ZCCHC17: variants seen among roughly 807,000 people sequenced by gnomAD.
ZCCHC17 encodes the protein zinc finger CCHC domain-containing protein 17.
A neutral mutation model predicts 30.6 loss-of-function variants in ZCCHC17; 18 were observed. The ratio of observed to expected loss-of-function variants is 0.59; its 90% CI spans 0.41 to 0.87. ZCCHC17 has a LOEUF of 0.87. Ranked by LOEUF, ZCCHC17 falls within the 40% of genes least tolerant of loss-of-function variation. The pLI, the probability that ZCCHC17 is intolerant of heterozygous loss-of-function variation, is 0.00. For synonymous variants in ZCCHC17, 88 were observed against 92.4 expected, an observed-to-expected ratio of 0.95 and a Z score of 0.27; for missense variants, 263 against 284.2, an observed-to-expected ratio of 0.93 and a Z score of 0.54.
At chr1:31,344,010 A>G (rs1024001697) in intron 5 of ZCCHC17, among the ~76,000 whole-genome samples, 5 of 151,664 alleles carry the variant, frequency 3.3e-5, no homozygotes, top group African/African-American at 1.2e-4. Context: ...ATGTACCACT[A>G]TGCTCGGCTA....
At chr1:31,331,361 G>A (rs1385498872) in intron 3 of ZCCHC17, among the ~76,000 whole-genome samples, 1 of 151,704 alleles carries the variant, frequency 6.6e-6, no homozygotes, top group Non-Finnish European at 1.5e-5. Context: ...GGTCAGGCTG[G>A]TCTAGAACTC....
At chr1:31,328,648 G>A (rs1026915765) in intron 3 of ZCCHC17, among the ~76,000 whole-genome samples, 5 of 152,156 alleles carry the variant, frequency 3.3e-5, no homozygotes, top group African/African-American at 1.2e-4. Flanking sequence ...CCAAATAATT[G>A]AAGAGATACA....
chr1:31,325,011 CTG>C (rs1187921216), intron 3 of ZCCHC17, among the ~76,000 whole-genome samples: 4 of 152,302 alleles, frequency 2.6e-5, no homozygotes, highest in Admixed American at 2.6e-4. Context: ...CTTCTGAAGA[CTG>C]TAAAAATCCT....
At chr1:31,302,428 A>G (rs1439462527) in intron 1 of ZCCHC17, among the ~76,000 whole-genome samples, 1 of 152,192 alleles carries the variant, frequency 6.6e-6, no homozygotes, top group Non-Finnish European at 1.5e-5. Flanking sequence ...CAGGAACACA[A>G]AATCAAATGA....
chr1:31,314,756 C>G (rs1393510582), intron 2 of ZCCHC17, among the ~76,000 whole-genome samples: 3 of 151,930 alleles, frequency 2.0e-5, no homozygotes, highest in African/African-American at 7.3e-5. Context: ...GGCTGGAGTG[C>G]AGTGGGTTCA....
At chr1:31,302,975 T>A (rs1646355625) in intron 1 of ZCCHC17, among the ~76,000 whole-genome samples, 1 of 152,166 alleles carries the variant, frequency 6.6e-6, no homozygotes, top group South Asian at 2.1e-4. Flanking sequence ...TGAGGTATAG[T>A]GCTTAAGAAT....
chr1:31,312,808 G>A (rs1378331606), intron 2 of ZCCHC17, among the ~76,000 whole-genome samples: 2 of 152,122 alleles, frequency 1.3e-5, no homozygotes, highest in Non-Finnish European at 1.5e-5. Flanking sequence ...TGCCCAGGTT[G>A]GAGTGCAATG....
chr1:31,336,041 G>A (rs909596387), intron 3 of ZCCHC17, among the ~76,000 whole-genome samples: 7 of 151,874 alleles, frequency 4.6e-5, no homozygotes, highest in Admixed American at 3.3e-4. Context: ...TAATAATACC[G>A]CAAGTTATTT....
chr1:31,362,680 C>T (rs6663779), intron 7 of ZCCHC17, among the ~76,000 whole-genome samples: 31,916 of 151,984 alleles, frequency 0.21, 3,701 homozygotes, highest in African/African-American at 0.3. Flanking sequence ...TTTCCCCTGG[C>T]ACCAGGATCT....
At chr1:31,331,173 GCT>G (rs958477894) in intron 3 of ZCCHC17, among the ~76,000 whole-genome samples, 1 of 151,356 alleles carries the variant, frequency 6.6e-6, no homozygotes, top group Non-Finnish European at 1.5e-5. Flanking sequence ...ACGGAGTCTT[GCT>G]CTGTCGCCCT....
intron 7 of ZCCHC17, among the ~76,000 whole-genome samples, chr1:31,357,794 T>C (rs1193874179): frequency 6.6e-6 from 1 of 151,090 alleles, no homozygotes; most frequent in Non-Finnish European, 1.5e-5. Flanking sequence ...TCACTCTTGT[T>C]GCCCAGGCTG....
chr1:31,331,757 G>T (rs1638598221), intron 3 of ZCCHC17, among the ~76,000 whole-genome samples: 1 of 151,782 alleles, frequency 6.6e-6, no homozygotes, highest in African/African-American at 2.4e-5. Flanking sequence ...GACTACAGGT[G>T]TGCGCCACCA....
At chr1:31,316,666 A>G (rs1646740855) in intron 2 of ZCCHC17, among the ~76,000 whole-genome samples, 1 of 152,170 alleles carries the variant, frequency 6.6e-6, no homozygotes, top group South Asian at 2.1e-4. Flanking sequence ...CTCATTTGAA[A>G]CATGGTAGAA....
chr1:31,349,323 C>A (rs1639387148), intron 7 of ZCCHC17, among the ~76,000 whole-genome samples: 1 of 152,062 alleles, frequency 6.6e-6, no homozygotes, highest in South Asian at 2.1e-4. Context: ...CCCAAAGAGA[C>A]TCTTATTGGC....
At chr1:31,334,323 C>CTA (rs1557443795) in intron 3 of ZCCHC17, among the ~76,000 whole-genome samples, 2 of 59,578 alleles carry the variant, frequency 3.4e-5, no homozygotes, top group East Asian at 1.7e-3. Context: ...CTCTCTCTCT[C>CTA]TCTCTCTCTC....
chr1:31,343,926 C>T (rs1480214075), intron 5 of ZCCHC17, among the ~76,000 whole-genome samples: 1 of 143,970 alleles, frequency 6.9e-6, no homozygotes, highest in African/African-American at 2.7e-5. Flanking sequence ...ACGATCTCGG[C>T]TCACTGCAAC....
chr1:31,320,017 A>T (rs1646824126), intron 3 of ZCCHC17, among the ~76,000 whole-genome samples: 1 of 152,232 alleles, frequency 6.6e-6, no homozygotes. Flanking sequence ...TAAAGAGCTA[A>T]TACAAAGGGG....
At chr1:31,338,840 G>A (rs1638921218) in intron 4 of ZCCHC17, 117 bp from the exon 5 acceptor site, 1 of 649,458 alleles carries the variant, frequency 1.5e-6, no homozygotes, top group Non-Finnish European at 2.7e-6. Flanking sequence ...TCCTAGCACA[G>A]TACCTGGTCC....
chr1:31,341,266 CA>C (rs1639038325), intron 5 of ZCCHC17, among the ~76,000 whole-genome samples: 1 of 152,152 alleles, frequency 6.6e-6, no homozygotes, highest in Non-Finnish European at 1.5e-5. Context: ...TTTTATAACT[CA>C]GAGTGCAGAA....
Sources: allele counts gnomAD v4.1 joint callset (sites outside exome capture counted in the v4.1 genomes callset), GRCh38; gene constraint gnomAD v4.1.1; transcripts MANE v1.5; gene names NCBI Gene and HGNC (gene_info 2026-07-23, HGNC 2026-07-21).